PASD1: variants seen among roughly 807,000 people sequenced by gnomAD.
PASD1 encodes PAS domain containing repressor 1.
Under a neutral mutation model 58.8 loss-of-function variants are expected in PASD1, and 13 were observed. The ratio of observed to expected loss-of-function variants is 0.22; its 90% CI spans 0.14 to 0.35. The LOEUF (loss-of-function observed/expected upper bound fraction) is 0.35, where lower values mean the gene tolerates loss of function less well. Among genes scored for constraint, PASD1 ranks in the 10% least tolerant of loss-of-function variants. The pLI, the probability that PASD1 is intolerant of heterozygous loss-of-function variation, is 1.00. For missense variants in PASD1, 734 were observed against 568.3 expected (o/e 1.29, Z -2.96); for synonymous variants, 236 against 216.7 (o/e 1.09, Z -0.78).
rs368148991 is a variant in PASD1 at position 151,672,638 on chromosome X, G to A, written c.1893G>A (p.Gly631=). ...GCTTCTATCAAGATGAAAACTGTGGGCAACAGGAAGATGAGAGTCAAAGGT... is the reference window on the plus strand; with the variant it reads ...GCTTCTATCAAGATGAAAACTGTGGACAACAGGAAGATGAGAGTCAAAGGT... The part of the protein sequence containing the change: ...PSGFYQDENC[G]QQEDESQSFY... The change falls in exon 14 of 16, where the codon GGG becomes GGA. Residue 631 remains glycine, a synonymous_variant. Transcript: ENST00000370357. The A allele has an allele frequency of 1.9e-5, 23 of 1,210,077 alleles. No individual in the cohort carries two copies. The highest frequency in any genetic ancestry group is 2.5e-5 in the Non-Finnish European group (22 of 895,144).
At chrX:151,624,534 T>A (rs2013759202) in intron 7 of PASD1, among the ~76,000 whole-genome samples, 1 of 111,934 alleles carries the variant, frequency 8.9e-6, no homozygotes, top group African/African-American at 3.2e-5. Flanking sequence ...TTTCTTTTTC[T>A]ATAAATGGCA....
chrX:151,589,088 C>T (rs2013210818), intron 1 of PASD1, among the ~76,000 whole-genome samples: 1 of 111,696 alleles, frequency 9.0e-6, no homozygotes, highest in African/African-American at 3.3e-5. Context: ...CAGAAACACT[C>T]GGAGCAAGGA....
intron 1 of PASD1, among the ~76,000 whole-genome samples, chrX:151,598,651 A>T (rs2013353800): frequency 9.0e-6 from 1 of 110,861 alleles, no homozygotes; most frequent in South Asian, 3.9e-4. Context: ...TAATTTCCCT[A>T]TCTGATGTTT....
chrX:151,626,489 G>C (rs1489636070), intron 8 of PASD1, among the ~76,000 whole-genome samples: 1 of 111,541 alleles, frequency 9.0e-6, no homozygotes, highest in African/African-American at 3.3e-5. Context: ...ATACTATATA[G>C]TTATTCAGCA....
At chrX:151,612,376 C>T (rs2013575703) in intron 4 of PASD1, among the ~76,000 whole-genome samples, 1 of 107,609 alleles carries the variant, frequency 9.3e-6, no homozygotes, top group Non-Finnish European at 1.9e-5. Flanking sequence ...GTTCTAGATC[C>T]CTGAGGAATC....
Position 151,648,678 on chromosome X carries a change from T to C in PASD1, c.693T>C (p.Ala231=), listed in dbSNP as rs763150902. 8.3e-7 allele frequency: 1 copy of C among 1,210,585 alleles called. No individual in the cohort carries two copies. The highest frequency in any genetic ancestry group is 1.1e-6 in the Non-Finnish European group (1 of 894,689). The change falls in exon 9 of 16, where the codon GCT becomes GCC. Residue 231 remains alanine (A), a synonymous_variant. Transcript: ENST00000370357. ...CCGTGTACGTTGAACCCGCTGCTGC[T>C]GCTGCTGCTGCTGCTATCTCAGACG... is the stretch of plus-strand genomic sequence containing the variant. The part of the protein sequence containing the change: ...MKAVYVEPAA[A]AAAAAISDDQ...
At chrX:151,602,532 TA>T (rs2013432147) in intron 2 of PASD1, among the ~76,000 whole-genome samples, 1 of 109,869 alleles carries the variant, frequency 9.1e-6, no homozygotes, top group Non-Finnish European at 1.9e-5. Flanking sequence ...CCGTCTCTAC[TA>T]AAAATACAAA....
Position 151,672,411 on chromosome X carries a change from A to G in PASD1, c.1666A>G (p.Lys556Glu). 3 of 1,211,097 alleles carry G rather than the reference A, an allele frequency of 2.5e-6. No homozygotes were observed. Among genetic ancestry groups the G allele is most frequent in the Non-Finnish European group, 3.4e-6 (3 of 895,148 alleles). Residue 556 changes from lysine (K) to glutamate (E), a missense_variant, in exon 14 of 16, where the codon AAA becomes GAA. Coordinates refer to ENST00000370357, the MANE Select transcript of PASD1 (RefSeq NM_173493.3). ...GAAGTGGCAGGGGCAGATGCTACAG[A>G]AAGAGCCAGAGGAGGAGCAGCAGAA... Reference protein sequence around the residue: ...RKKWQGQMLQKEPEEEQQKQQ... With the variant: ...RKKWQGQMLQEEPEEEQQKQQ...
chrX:151,604,586 A>G, intron 2 of PASD1, 60 bp from the exon 3 acceptor site: 2 of 822,413 alleles, frequency 2.4e-6, no homozygotes, highest in Non-Finnish European at 3.6e-6. Flanking sequence ...AAAATCTAAT[A>G]CCCATAGCTA....
At chrX:151,581,309 G>A (rs1178315864) in intron 1 of PASD1, among the ~76,000 whole-genome samples, 5 of 105,024 alleles carry the variant, frequency 4.8e-5, no homozygotes, top group African/African-American at 1.7e-4. Context: ...AATGTCTTGG[G>A]GCCAAGTGCA....
At chrX:151,564,554 A>C (rs1026781319) in intron 1 of PASD1, among the ~76,000 whole-genome samples, 1 of 110,408 alleles carries the variant, frequency 9.1e-6, no homozygotes, top group African/African-American at 3.3e-5. Flanking sequence ...TTTTTTCAAA[A>C]TGGAGTCAGA....
intron 1 of PASD1, among the ~76,000 whole-genome samples, chrX:151,593,963 T>C (rs1221853522): frequency 9.0e-6 from 1 of 111,654 alleles, no homozygotes; most frequent in Non-Finnish European, 1.9e-5. Context: ...GTTTAGCCCA[T>C]TGATAATTTA....
At chrX:151,658,443 C>T (rs1195105336) in intron 9 of PASD1, among the ~76,000 whole-genome samples, 1 of 112,265 alleles carries the variant, frequency 8.9e-6, no homozygotes, top group Non-Finnish European at 1.9e-5. Flanking sequence ...CAAAAGTGGA[C>T]ATCTTAATTA....
Position 151,664,220 on chromosome X carries a change from G to C in PASD1, c.943G>C (p.Asp315His). ...EFSVDQVDSV[D>H]QEGPMDQQDP... is the part of the protein sequence containing the mutation. ...CTCGGTGGATCAGGTGGACTCAGTG[G>C]ACCAGGAGGGCCCAATGGACCAGCA... Residue 315 changes from aspartate to histidine, a missense_variant, in exon 11 of 16, where the codon GAC becomes CAC. By Grantham distance (81) the Asp-to-His change is moderately conservative (BLOSUM62 -1). Transcript: ENST00000370357. 1 of 1,209,736 alleles carries C rather than the reference G, an allele frequency of 8.3e-7. No individual in the cohort carries two copies. Among genetic ancestry groups the C allele is most frequent in the Non-Finnish European group, 1.1e-6 (1 of 894,800 alleles).
chrX:151,668,902 CA>C (rs5904326), intron 11 of PASD1, among the ~76,000 whole-genome samples: 6 of 86,473 alleles, frequency 6.9e-5, no homozygotes, highest in African/African-American at 1.7e-4. Flanking sequence ...AGAGACACAA[CA>C]AAAAAAAAAG....
chrX:151,629,664 T>G (rs759097973), intron 8 of PASD1, among the ~76,000 whole-genome samples: 74 of 112,226 alleles, frequency 6.6e-4, no homozygotes, highest in Admixed American at 1.0e-3. Flanking sequence ...CAAGACAACA[T>G]GTTTAAACAA....
chrX:151,646,722 A>T (rs182740327), intron 8 of PASD1, among the ~76,000 whole-genome samples: 53 of 112,394 alleles, frequency 4.7e-4, no homozygotes, highest in Non-Finnish European at 8.8e-4. Context: ...AATTTTGTCA[A>T]TCCAGGCAGA....
At chrX:151,568,030 T>G (rs1177757327) in intron 1 of PASD1, among the ~76,000 whole-genome samples, 1 of 112,248 alleles carries the variant, frequency 8.9e-6, no homozygotes, top group African/African-American at 3.2e-5. Context: ...CGAACAATTG[T>G]CATATTTTTT....
intron 11 of PASD1, among the ~76,000 whole-genome samples, chrX:151,669,229 T>A (rs1256846928): frequency 9.4e-6 from 1 of 106,082 alleles, no homozygotes; most frequent in African/African-American, 3.4e-5. Flanking sequence ...TGCCAATTGA[T>A]GGTTTTCATA....
Sources: gnomAD v4.1 joint callset for allele counts (sites outside exome capture counted in the v4.1 genomes callset) on GRCh38, gnomAD v4.1.1 for gene constraint, MANE v1.5 for transcripts, NCBI Gene and HGNC (gene_info 2026-07-23, HGNC 2026-07-21) for gene names.